The following FMNL1 variants were observed in gnomAD, a reference collection of about 807,000 sequenced individuals.
FMNL1 encodes the protein formin-like protein 1.
In FMNL1, 43 loss-of-function variants were observed where a neutral mutation model predicts 121.3. The observed-to-expected ratio is 0.35, with a 90% CI of 0.28 to 0.46. FMNL1 has a LOEUF of 0.46. Among genes scored for constraint, FMNL1 ranks in the 20% least tolerant of loss-of-function variants. The pLI, the probability that FMNL1 is intolerant of heterozygous loss-of-function variation, is 1.00. For synonymous variants in FMNL1, 613 were observed against 613.5 expected (o/e 1.00, Z 0.01); for missense variants, 1,191 against 1,482.4 (o/e 0.80, Z 3.23).
At position 45,241,740 on chromosome 17, in the gene FMNL1, C is replaced by T; in HGVS notation, c.1585+106C>T. The T allele has an allele frequency of 7.0e-7, 1 of 1,431,890 alleles. No individual in the cohort carries two copies. The highest frequency in any genetic ancestry group is 2.6e-4 in the Middle Eastern group (1 of 3,866). 88.7% of individuals were successfully genotyped at this position (1,431,890 alleles called of 1,614,324 possible). A position where few individuals can be genotyped will look rare whatever the true frequency, so the allele number is the denominator to read the frequency against. On this transcript the variant is annotated intron_variant, in intron 14 of 26. Coordinates refer to ENST00000331495, the MANE Select transcript of FMNL1 (RefSeq NM_005892.4). This position sits in a 1 kb window ranked among gnomAD's most constrained non-coding sequence, Gnocchi z 7.0. ...GGGCGAGGGAGGTTTGGATTGTAGG[C>T]TCGGCTCAGGTAGGAGCGCATGCGT...
Position 45,237,309 on chromosome 17 carries a change from C to T in FMNL1, c.752C>T (p.Pro251Leu). 6.2e-7 allele frequency: 1 copy of T among 1,614,192 alleles called. No homozygotes were observed. The highest frequency in any genetic ancestry group is 8.5e-7 in the Non-Finnish European group (1 of 1,180,030). The stretch of plus-strand genomic sequence containing the variant: ...GGCTTCAGCCTTGTCATGAACCACC[C>T]AGCCTGTGTCAATGAGATTGCTCTG... ...QSGFSLVMNHPACVNEIALSL... is the reference protein window; with the variant it reads ...QSGFSLVMNHLACVNEIALSL... The change falls in exon 8 of 27, where the codon CCA becomes CTA. Residue 251 changes from proline (P) to leucine (L), a missense_variant. Physicochemically the swap from Pro to Leu is moderately conservative, Grantham distance 98. Coordinates refer to ENST00000331495, the MANE Select transcript of FMNL1 (RefSeq NM_005892.4). This position sits in a 1 kb window ranked among gnomAD's most constrained non-coding sequence, Gnocchi z 4.4.
chr17:45,242,025 C>T lies in FMNL1; in HGVS notation c.1764C>T (p.Pro588=). 1 of 1,354,380 alleles carries T rather than the reference C, an allele frequency of 7.4e-7. No individual in the cohort carries two copies. Among genetic ancestry groups the T allele is most frequent in the Non-Finnish European group, 9.5e-7 (1 of 1,052,292 alleles). 83.9% of individuals were successfully genotyped at this position (1,354,380 alleles called of 1,614,324 possible). ...PPLPGDLPPP[P]PPPPPPPGTD... ...TGCCCGGAGACCTGCCGCCCCCACCCCCGCCACCGCCACCACCTCCGGGCA... is the reference window on the plus strand; with the variant it reads ...TGCCCGGAGACCTGCCGCCCCCACCTCCGCCACCGCCACCACCTCCGGGCA... The change falls in exon 15 of 27, where the codon CCC becomes CCT. Residue 588 remains proline (P), a synonymous_variant. Transcript: ENST00000331495.
intron 17 of FMNL1, 37 bp from the exon 18 acceptor site, chr17:45,243,754 G>T: frequency 6.3e-7 from 1 of 1,584,866 alleles, no homozygotes. Context: ...TGGTGGGTAT[G>T]GATGATGCCC....
chr17:45,234,572 G>C (rs551577676), intron 6 of FMNL1: 2 of 315,432 alleles, frequency 6.3e-6, no homozygotes, highest in African/African-American at 4.5e-5. Context: ...GCTGAGGTGG[G>C]AGAATCGCTG....
In FMNL1 at chr17:45,245,870, G is replaced by A. The variant is rs751396223; in HGVS notation, c.2995-8G>A. ...GGCCACCCTCATGGAGACTGCCTTG[G>A]CCCACAGAAAGCTGAGCAGGAGGTG... On this transcript the variant is annotated splice_region_variant and splice_polypyrimidine_tract_variant and intron_variant, in intron 23 of 26. Transcript: ENST00000331495. The A allele has an allele frequency of 6.3e-7, 1 of 1,596,446 alleles. No homozygotes were observed.
At position 45,242,399 on chromosome 17, in the gene FMNL1, G is replaced by A. The variant is rs192237612; in HGVS notation, c.1944G>A (p.Val648=). The A allele has an allele frequency of 8.1e-5, 131 of 1,614,130 alleles. No homozygotes were observed. In the East Asian group the frequency reaches 2.7e-3, roughly 33 times the overall value. Residue 648 remains valine (V), a synonymous_variant, in exon 16 of 27, where the codon GTG becomes GTA. Transcript: ENST00000331495. ...TKFRMPLLNW[V]ALKPSQITGT... ...TCCGAATGCCACTCTTGAACTGGGT[G>A]GCACTGAAACCCAGCCAGATCACCG...
At chr17:45,244,928 G>A in intron 20 of FMNL1, 29 bp downstream of exon 20, 1 of 1,612,968 alleles carries the variant, frequency 6.2e-7, no homozygotes, top group Non-Finnish European at 8.5e-7. Flanking sequence ...CTTGGGGACT[G>A]GGGCTGGGGA....
In FMNL1 at chr17:45,245,239, C is replaced by T; in HGVS notation, c.2729-14C>T. ...CCGATTCACTGACCTGATACTGCCC[C>T]ATCCCTGGCCCAGTGTCCCTGGACA... On this transcript the variant is annotated splice_polypyrimidine_tract_variant and intron_variant, in intron 21 of 26. Transcript: ENST00000331495. 6.2e-7 allele frequency: 1 copy of T among 1,614,146 alleles called. No individual in the cohort carries two copies. Among genetic ancestry groups the T allele is most frequent in the East Asian group, 2.2e-5 (1 of 44,884 alleles).
rs567753832 is a variant in FMNL1 at position 45,231,044 on chromosome 17, G to A, written c.213+357G>A. 1.3e-5 allele frequency among the ~76,000 whole-genome samples: 2 copies of A among 152,172 alleles called. No homozygotes were observed. The highest frequency in any genetic ancestry group is 2.1e-4 in the South Asian group (1 of 4,830). On this transcript the variant is annotated intron_variant, in intron 2 of 26. Transcript: ENST00000331495. This position sits in a 1 kb window ranked among gnomAD's most constrained non-coding sequence, Gnocchi z 4.7. The stretch of plus-strand genomic sequence containing the variant: ...AAGGGAGAGGGCGACCCTGGGGTTG[G>A]ACATCTTCACCTGACCCCATGGGAG...
At chr17:45,223,751 G>C (rs146584409) in intron 1 of FMNL1, among the ~76,000 whole-genome samples, 199 of 152,320 alleles carry the variant, frequency 1.3e-3, no homozygotes, top group Admixed American at 3.5e-3. Flanking sequence ...TGGTTGGAGG[G>C]ACATGGGTCT....
At position 45,237,156 on chromosome 17, in the gene FMNL1, A is replaced by C; in HGVS notation, c.724-125A>C. The C allele has an allele frequency of 1.3e-6, 1 of 794,368 alleles. No homozygotes were observed. Among genetic ancestry groups the C allele is most frequent in the Non-Finnish European group, 2.1e-6 (1 of 484,188 alleles). 49.2% of individuals were successfully genotyped at this position (794,368 alleles called of 1,614,324 possible). A position where few individuals can be genotyped will look rare whatever the true frequency, so the allele number is the denominator to read the frequency against. ...GAAACAAGGCCAGGTTTTGGTGGCC[A>C]CAGAAGTTGCGGTTGGATACAAAGA... On this transcript the variant is annotated intron_variant, in intron 7 of 26. Transcript: ENST00000331495. This position sits in a 1 kb window ranked among gnomAD's most constrained non-coding sequence, Gnocchi z 4.4.
In FMNL1 at chr17:45,231,710, C is replaced by T. The variant is rs1035171742; in HGVS notation, c.214-657C>T. 6.6e-6 allele frequency among the ~76,000 whole-genome samples: 1 copy of T among 152,088 alleles called. No homozygotes were observed. Among genetic ancestry groups the T allele is most frequent in the Admixed American group, 6.5e-5 (1 of 15,276 alleles). On this transcript the variant is annotated intron_variant, in intron 2 of 26. Transcript: ENST00000331495. The surrounding 1 kb of genome is among the most constrained non-coding windows in gnomAD (Gnocchi z 4.7). ...GGGGTGGGGGGATTAGGAATTGCAT[C>T]ACTGAGCACAGGAGAGGAGCACGCA...
rs200640751 is a variant in FMNL1, at chr17:45,234,083, A to G, written c.497A>G (p.Glu166Gly). The change falls in exon 6 of 27, where the codon GAG becomes GGG. Residue 166 changes from glutamate to glycine, a missense_variant. This residue lies in a region of FMNL1 where 253 missense variants were observed against 417.5 expected (regional missense o/e 0.61). Transcript: ENST00000331495. The stretch of plus-strand genomic sequence containing the variant: ...CATCCTGTCCCCAGGTATGACATGG[A>G]GAGCACAGACAACGGGGCTTCCAAC... ...FAQCSVTYDM[E>G]STDNGASNSE... 6.8e-6 allele frequency: 11 copies of G among 1,614,080 alleles called. No individual in the cohort carries two copies. Among genetic ancestry groups the G allele is most frequent in the African/African-American group, 1.3e-5 (1 of 75,028 alleles).
At position 45,241,952 on chromosome 17, in the gene FMNL1, A is replaced by T; in HGVS notation, c.1691A>T (p.Gln564Leu). The change falls in exon 15 of 27, where the codon CAG (glutamine) becomes CTG (leucine). Residue 564 changes from glutamine (Q) to leucine (L), a missense_variant. Physicochemically the swap from Gln to Leu is moderately radical, Grantham distance 113. Coordinates refer to ENST00000331495, the MANE Select transcript of FMNL1 (RefSeq NM_005892.4). This position sits in a 1 kb window ranked among gnomAD's most constrained non-coding sequence, Gnocchi z 7.0. The stretch of plus-strand genomic sequence containing the variant: ...GAAGCCCCGCCCTCTGCGCCCCCAC[A>T]GGCCCCGCCTCTCCCTGGCAGCCCG... Reference protein sequence around the residue: ...PQEAPPSAPPQAPPLPGSPEP... With the variant: ...PQEAPPSAPPLAPPLPGSPEP... The T allele has an allele frequency of 7.7e-7, 1 of 1,303,580 alleles. No individual in the cohort carries two copies. The highest frequency in any genetic ancestry group is 9.7e-7 in the Non-Finnish European group (1 of 1,034,294). The allele number at this position is 1,303,580 out of a possible 1,614,324, so 80.8% of individuals were successfully genotyped here.
At chr17:45,235,217 AGTCT>A (rs1166767082) in intron 6 of FMNL1, among the ~76,000 whole-genome samples, 2 of 152,248 alleles carry the variant, frequency 1.3e-5, no homozygotes, top group East Asian at 3.8e-4. Flanking sequence ...AGGGGCCCAC[AGTCT>A]AAGTGGGGGA....
rs1424936519 is a variant in FMNL1, at chr17:45,242,027, C to T, written c.1766C>T (p.Pro589Leu). ...CCCGGAGACCTGCCGCCCCCACCCC[C>T]GCCACCGCCACCACCTCCGGGCACT... ...PLPGDLPPPP[P>L]PPPPPPGTDG... The change falls in exon 15 of 27, where the codon CCG becomes CTG. Residue 589 changes from proline (P) to leucine (L), a missense_variant. Coordinates refer to ENST00000331495, the MANE Select transcript of FMNL1 (RefSeq NM_005892.4). 3 of 1,359,238 alleles carry T rather than the reference C, an allele frequency of 2.2e-6. No individual in the cohort carries two copies. Among genetic ancestry groups the T allele is most frequent in the Non-Finnish European group, 2.8e-6 (3 of 1,055,020 alleles). 84.2% of individuals were successfully genotyped at this position (1,359,238 alleles called of 1,614,324 possible).
At chr17:45,230,350 G>A (rs924418560) in intron 1 of FMNL1, among the ~76,000 whole-genome samples, 1 of 152,170 alleles carries the variant, frequency 6.6e-6, no homozygotes, top group African/African-American at 2.4e-5. Context: ...GGCGGTGTGG[G>A]GGGTGACACA....
At position 45,236,277 on chromosome 17, in the gene FMNL1, G is replaced by A. The variant is rs73984349; in HGVS notation, c.723+33G>A. The A allele has an allele frequency of 1.1e-3, 1,733 of 1,581,226 alleles. 23 individuals are homozygous for A. The African/African-American group carries it at 0.022, about 20-fold the overall frequency. ...GAGGGGCATGGGACTGGCGACTAGG[G>A]AGCCCAGCCTGTCCTCACTGGGGGC... is the stretch of plus-strand genomic sequence containing the variant. On this transcript the variant is annotated intron_variant, in intron 7 of 26. Coordinates refer to ENST00000331495, the MANE Select transcript of FMNL1 (RefSeq NM_005892.4).
chr17:45,226,768 C>T (rs1005213368), intron 1 of FMNL1, among the ~76,000 whole-genome samples: 1 of 152,070 alleles, frequency 6.6e-6, no homozygotes, highest in African/African-American at 2.4e-5. Flanking sequence ...TGTTGTTTTC[C>T]TCCTACCAGC....
Sources: allele counts gnomAD v4.1 joint callset (sites outside exome capture counted in the v4.1 genomes callset), GRCh38; gene constraint gnomAD v4.1.1; regional missense constraint gnomAD v4.1.1; non-coding constraint Gnocchi (gnomAD v3.1); transcripts MANE v1.5; gene names NCBI Gene and HGNC (gene_info 2026-07-23, HGNC 2026-07-21).